The following OXR1 variants were observed in gnomAD, a reference collection of about 807,000 sequenced individuals.
OXR1 encodes the protein oxidation resistance protein 1.
OXR1 carries 41 observed loss-of-function variants against 104.6 expected under a neutral mutation model. The observed-to-expected ratio is 0.39, with a 90% CI of 0.31 to 0.51. The LOEUF (loss-of-function observed/expected upper bound fraction) is 0.51. Among genes scored for constraint, OXR1 ranks in the 20% least tolerant of loss-of-function variants. OXR1 has a pLI of 0.77. For missense variants in OXR1, 955 were observed against 1,031.9 expected, an observed-to-expected ratio of 0.93 and a Z score of 1.02; for synonymous variants, 348 against 348.4, an observed-to-expected ratio of 1.00 and a Z score of 0.01.
intron 1 of OXR1, among the ~76,000 whole-genome samples, chr8:106,359,047 TTTTCTTTCTTTCTTTCTTTC>T (rs76498142): frequency 0.079 from 11,209 of 141,198 alleles, 605 homozygotes; most frequent in East Asian, 0.16. Flanking sequence ...CATGGAATTC[TTTTCTTTCTTTCTTTCTTTC>T]TTTCTTTCTT....
chr8:106,698,614 TG>T (rs1830299291), intron 7 of OXR1, among the ~76,000 whole-genome samples: 1 of 152,152 alleles, frequency 6.6e-6, no homozygotes, highest in Non-Finnish European at 1.5e-5. Flanking sequence ...TAATTTTAAT[TG>T]CTTGTTTTTA....
chr8:106,447,950 A>T, intron 2 of OXR1: 3 of 1,534,890 alleles, frequency 2.0e-6, no homozygotes, highest in Admixed American at 2.0e-5. Context: ...CGGGGCTCAC[A>T]GGTAACAGAA....
At chr8:106,646,689 G>A (rs946453715) in intron 3 of OXR1, among the ~76,000 whole-genome samples, 1 of 151,968 alleles carries the variant, frequency 6.6e-6, no homozygotes, top group Non-Finnish European at 1.5e-5. Flanking sequence ...CAGAGGGTAA[G>A]ACCTCCTTAT....
intron 3 of OXR1, among the ~76,000 whole-genome samples, chr8:106,663,883 T>C (rs1173513055): frequency 6.6e-6 from 1 of 152,138 alleles, no homozygotes; most frequent in East Asian, 1.9e-4. Flanking sequence ...GCCGTAAAGG[T>C]TGGGGACCAC....
chr8:106,278,968 G>C (rs1812172149), intron 1 of OXR1, among the ~76,000 whole-genome samples: 1 of 152,142 alleles, frequency 6.6e-6, no homozygotes, highest in Non-Finnish European at 1.5e-5. Context: ...AACATGGGAG[G>C]TGGGGGAGAT....
At chr8:106,360,412 G>C (rs932964056) in intron 2 of OXR1, among the ~76,000 whole-genome samples, 2 of 151,994 alleles carry the variant, frequency 1.3e-5, no homozygotes, top group African/African-American at 4.8e-5. Context: ...TTTTATCCTT[G>C]CTCTTCAATT....
chr8:106,658,293 G>A (rs1253461749), intron 3 of OXR1: 168 of 1,191,694 alleles, frequency 1.4e-4, no homozygotes, highest in Non-Finnish European at 1.7e-4. Context: ...TCTGGCAGGT[G>A]TGCCTGGGCC....
chr8:106,661,239 A>G (rs956950206), intron 3 of OXR1, among the ~76,000 whole-genome samples: 2 of 152,174 alleles, frequency 1.3e-5, no homozygotes, highest in Non-Finnish European at 1.5e-5. Flanking sequence ...CCCTTTCTAT[A>G]AAGAAACCAC....
chr8:106,459,989 A>G (rs1820815935), intron 2 of OXR1, among the ~76,000 whole-genome samples: 1 of 152,164 alleles, frequency 6.6e-6, no homozygotes, highest in African/African-American at 2.4e-5. Flanking sequence ...TCAACTCCTC[A>G]CAGTCACTTA....
chr8:106,449,707 C>T (rs1370685572), intron 2 of OXR1, among the ~76,000 whole-genome samples: 3 of 152,114 alleles, frequency 2.0e-5, no homozygotes, highest in African/African-American at 7.2e-5. Context: ...TTTTACATTT[C>T]CTTCATTAGA....
At chr8:106,296,304 G>A (rs1812992163) in intron 1 of OXR1, among the ~76,000 whole-genome samples, 1 of 152,024 alleles carries the variant, frequency 6.6e-6, no homozygotes, top group African/African-American at 2.4e-5. Context: ...CTAAAAGCAG[G>A]CATAAAAAGA....
intron 3 of OXR1, among the ~76,000 whole-genome samples, chr8:106,660,432 CTT>C (rs1825642926): frequency 6.6e-6 from 1 of 152,132 alleles, no homozygotes; most frequent in Non-Finnish European, 1.5e-5. Context: ...TGCTATCATT[CTT>C]TCTTCAGTTC....
intron 1 of OXR1, among the ~76,000 whole-genome samples, chr8:106,325,053 T>G (rs1503554): frequency 2.6e-5 from 4 of 152,048 alleles, no homozygotes; most frequent in Non-Finnish European, 5.9e-5. Flanking sequence ...AAAAAAGATG[T>G]ATTTATCTTC....
At chr8:106,440,423 A>G (rs1819738360) in intron 2 of OXR1, among the ~76,000 whole-genome samples, 1 of 152,156 alleles carries the variant, frequency 6.6e-6, no homozygotes, top group Non-Finnish European at 1.5e-5. Context: ...TGCTGATTTC[A>G]GTAGTAGAGA....
intron 2 of OXR1, among the ~76,000 whole-genome samples, chr8:106,435,266 G>C (rs1819522929): frequency 1.3e-5 from 2 of 152,150 alleles, no homozygotes; most frequent in South Asian, 4.1e-4. Context: ...GTGGAGACTT[G>C]ATAAGGAGTT....
chr8:106,662,606 G>C (rs1825871348), intron 3 of OXR1, among the ~76,000 whole-genome samples: 1 of 152,140 alleles, frequency 6.6e-6, no homozygotes, highest in Non-Finnish European at 1.5e-5. Context: ...AACCCTATGA[G>C]GTAATTAATA....
At position 106,430,069 on chromosome 8, in the gene OXR1, G is replaced by T. The variant is rs556246838; in HGVS notation, c.23+70433G>T. On this transcript the variant is annotated intron_variant, in intron 2 of 16. Transcript: ENST00000517566. Reference sequence around the variant, plus strand: ...TGTGTGTTGTGTGTAGAACTGTAGTGCTTTCATTTATATAACAGGTTGGTA... The same window carrying T: ...TGTGTGTTGTGTGTAGAACTGTAGTTCTTTCATTTATATAACAGGTTGGTA... Among the ~76,000 whole-genome samples the T allele has an allele frequency of 2.0e-5, 3 of 152,098 alleles. No individual in the cohort carries two copies. In the East Asian group the frequency reaches 5.8e-4, roughly 29 times the overall value.
chr8:106,609,859 C>CACACAT (rs1554603012), intron 3 of OXR1, among the ~76,000 whole-genome samples: 3 of 151,746 alleles, frequency 2.0e-5, no homozygotes, highest in Non-Finnish European at 2.9e-5. Flanking sequence ...CACACACACA[C>CACACAT]ATTTATGAGA....
At chr8:106,457,231 G>T (rs1310986076) in intron 2 of OXR1, among the ~76,000 whole-genome samples, 1 of 152,112 alleles carries the variant, frequency 6.6e-6, no homozygotes, top group East Asian at 1.9e-4. Flanking sequence ...TTAGTTAGTT[G>T]TCTTGGGATA....
Sources: allele counts gnomAD v4.1 joint callset (sites outside exome capture counted in the v4.1 genomes callset), GRCh38; gene constraint gnomAD v4.1.1; transcripts MANE v1.5; gene names NCBI Gene and HGNC (gene_info 2026-07-23, HGNC 2026-07-21).